Variants in FER observed in about 807,000 individuals in gnomAD.
FER encodes the protein tyrosine-protein kinase Fer.
FER carries 63 observed loss-of-function variants against 111.0 expected under a neutral mutation model. The observed-to-expected ratio is 0.57, with a 90% CI of 0.46 to 0.70. FER has a LOEUF of 0.70. FER is among the 30% of genes least tolerant of loss of function. The pLI is 0.00. For synonymous variants in FER, 327 were observed against 313.9 expected (o/e 1.04, Z -0.44); for missense variants, 914 against 954.0 (o/e 0.96, Z 0.55).
intron 16 of FER, among the ~76,000 whole-genome samples, chr5:109,080,810 G>C (rs907711103): frequency 2.6e-5 from 4 of 152,088 alleles, no homozygotes; most frequent in Non-Finnish European, 4.4e-5. Context: ...ATGATTATAA[G>C]ATTGGATCGA....
intron 17 of FER, among the ~76,000 whole-genome samples, chr5:109,155,491 G>C (rs532792530): frequency 1.3e-5 from 2 of 152,026 alleles, no homozygotes; most frequent in African/African-American, 4.8e-5. Context: ...GACTAGGAAA[G>C]TTTAATTGCT....
chr5:108,770,159 G>A (rs1752743146), intron 2 of FER, among the ~76,000 whole-genome samples: 2 of 152,164 alleles, frequency 1.3e-5, no homozygotes, highest in Non-Finnish European at 2.9e-5. Flanking sequence ...TGTTGGTCAG[G>A]CTGGTCTCGA....
At chr5:108,799,308 G>A (rs1001790331) in intron 3 of FER, among the ~76,000 whole-genome samples, 3 of 152,122 alleles carry the variant, frequency 2.0e-5, no homozygotes, top group East Asian at 1.9e-4. Flanking sequence ...GTTACTTCCA[G>A]TGTCTTATTT....
At chr5:108,819,350 T>C (rs1775760669) in intron 3 of FER, among the ~76,000 whole-genome samples, 2 of 152,164 alleles carry the variant, frequency 1.3e-5, no homozygotes, top group South Asian at 4.2e-4. Flanking sequence ...TTAAAGTAGT[T>C]TGTAGATATT....
intron 5 of FER, among the ~76,000 whole-genome samples, chr5:108,851,925 A>C (rs1393866285): frequency 6.6e-6 from 1 of 152,200 alleles, no homozygotes; most frequent in Non-Finnish European, 1.5e-5. Context: ...AAGAAAGAAA[A>C]CAGGATAGCT....
chr5:109,148,477 A>T (rs1754476972), intron 17 of FER, among the ~76,000 whole-genome samples: 3 of 152,172 alleles, frequency 2.0e-5, no homozygotes, highest in Admixed American at 1.3e-4. Context: ...ATCAGATAGC[A>T]TGTGGGAAGA....
At chr5:108,951,011 C>G (rs867237959) in intron 11 of FER, among the ~76,000 whole-genome samples, 50 of 151,990 alleles carry the variant, frequency 3.3e-4, no homozygotes, top group African/African-American at 1.2e-3. Flanking sequence ...TGGCTCACAC[C>G]TGTAATCTCA....
chr5:109,048,824 C>T (rs1772347003), intron 16 of FER, among the ~76,000 whole-genome samples: 1 of 100,874 alleles, frequency 9.9e-6, no homozygotes, highest in African/African-American at 4.0e-5. Flanking sequence ...TACTCCACCA[C>T]TGTTTCAGAT....
At chr5:108,911,532 C>T (rs1228185922) in intron 10 of FER, among the ~76,000 whole-genome samples, 2 of 152,006 alleles carry the variant, frequency 1.3e-5, no homozygotes, top group Non-Finnish European at 2.9e-5. Context: ...GTCATAAATT[C>T]TTCGTGTAGG....
intron 5 of FER, among the ~76,000 whole-genome samples, chr5:108,854,997 G>A (rs1222716575): frequency 6.8e-6 from 1 of 147,682 alleles, no homozygotes; most frequent in Admixed American, 6.8e-5. Flanking sequence ...CCATTGAATT[G>A]GATGTAGTTT....
At chr5:109,090,597 G>A (rs1778060820) in intron 16 of FER, among the ~76,000 whole-genome samples, 1 of 151,998 alleles carries the variant, frequency 6.6e-6, no homozygotes, top group Non-Finnish European at 1.5e-5. Context: ...AAAAAATCAG[G>A]AAAACAATGA....
intron 5 of FER, among the ~76,000 whole-genome samples, chr5:108,858,662 T>C (rs1198039998): frequency 1.3e-5 from 2 of 152,088 alleles, no homozygotes; most frequent in Non-Finnish European, 2.9e-5. Flanking sequence ...TTTTCCTTTC[T>C]TTCTTACACA....
At chr5:108,826,050 G>A (rs1759434289) in intron 3 of FER, among the ~76,000 whole-genome samples, 1 of 152,132 alleles carries the variant, frequency 6.6e-6, no homozygotes, top group South Asian at 2.1e-4. Context: ...CATTGACTAT[G>A]TTAGCTGTGA....
intron 13 of FER, among the ~76,000 whole-genome samples, chr5:108,993,683 T>C (rs1763627166): frequency 1.3e-5 from 2 of 150,064 alleles, no homozygotes; most frequent in Admixed American, 1.3e-4. Context: ...GGGAGAGGGC[T>C]GTATTTTCAA....
chr5:108,856,487 T>C (rs1300314128), intron 5 of FER, among the ~76,000 whole-genome samples: 1 of 152,192 alleles, frequency 6.6e-6, no homozygotes. Flanking sequence ...ATAGTACATA[T>C]TAGGAGTTGG....
At chr5:109,120,152 A>G (rs999706438) in intron 17 of FER, among the ~76,000 whole-genome samples, 1 of 152,022 alleles carries the variant, frequency 6.6e-6, no homozygotes, top group African/African-American at 2.4e-5. Flanking sequence ...TTGGTTGCCT[A>G]TGCTTGTGAG....
intron 8 of FER, among the ~76,000 whole-genome samples, chr5:108,882,753 T>C (rs1765802346): frequency 6.6e-6 from 1 of 151,954 alleles, no homozygotes; most frequent in African/African-American, 2.4e-5. Context: ...AGTGATATGA[T>C]AGCCATGTAT....
intron 13 of FER, among the ~76,000 whole-genome samples, chr5:108,960,749 C>T (rs1759038211): frequency 6.6e-6 from 1 of 152,058 alleles, no homozygotes; most frequent in South Asian, 2.1e-4. Flanking sequence ...AAATTTCCAC[C>T]TCAAACTGTG....
chr5:108,844,048 ATGTGTGTGAACATATATATG>A (rs1761566828), intron 5 of FER, among the ~76,000 whole-genome samples: 1 of 96,584 alleles, frequency 1.0e-5, no homozygotes, highest in Non-Finnish European at 2.3e-5. Context: ...GAACATATAT[ATGTGTGTGAACATATATATG>A]TGTGTGAACA....
Sources: gnomAD v4.1 joint callset for allele counts (sites outside exome capture counted in the v4.1 genomes callset) on GRCh38, gnomAD v4.1.1 for gene constraint, MANE v1.5 for transcripts, NCBI Gene and HGNC (gene_info 2026-07-23, HGNC 2026-07-21) for gene names.